ARHGAP6: variants seen among roughly 807,000 people sequenced by gnomAD.
The protein encoded by ARHGAP6 is Rho GTPase activating protein 6.
In ARHGAP6, 16 loss-of-function variants were observed where a neutral mutation model predicts 55.7. The observed-to-expected ratio is 0.29, with a 90% CI of 0.19 to 0.44. The LOEUF (loss-of-function observed/expected upper bound fraction) is 0.44. ARHGAP6 is among the 20% of genes least tolerant of loss of function. The pLI, the probability that ARHGAP6 is intolerant of heterozygous loss-of-function variation, is 1.00. For synonymous variants in ARHGAP6, 382 were observed against 360.9 expected, an observed-to-expected ratio of 1.06 and a Z score of -0.66; for missense variants, 698 against 808.9, an observed-to-expected ratio of 0.86 and a Z score of 1.66.
intron 1 of ARHGAP6, among the ~76,000 whole-genome samples, chrX:11,515,900 C>T (rs1045121925): frequency 1.3e-4 from 15 of 112,458 alleles, no homozygotes; most frequent in Non-Finnish European, 2.1e-4. Context: ...AGTCAAAAGC[C>T]CCCATGAACC....
At chrX:11,391,662 C>G (rs1012774414) in intron 1 of ARHGAP6, among the ~76,000 whole-genome samples, 4 of 112,177 alleles carry the variant, frequency 3.6e-5, no homozygotes, top group African/African-American at 1.3e-4. Flanking sequence ...TTGGAGATTA[C>G]AAGCTTTCTT....
intron 2 of ARHGAP6, among the ~76,000 whole-genome samples, chrX:11,207,172 C>T (rs1415421296): frequency 9.3e-6 from 1 of 107,550 alleles, no homozygotes; most frequent in Admixed American, 1.0e-4. Flanking sequence ...TCTCACTGTA[C>T]TCGTTGTTAT....
chrX:11,370,893 AAACAACAACAAC>A (rs751345129), intron 1 of ARHGAP6, among the ~76,000 whole-genome samples: 1 of 110,108 alleles, frequency 9.1e-6, no homozygotes, highest in Non-Finnish European at 1.9e-5. Flanking sequence ...GTATGCTTAC[AAACAACAACAAC>A]AACAACAACA....
intron 1 of ARHGAP6, among the ~76,000 whole-genome samples, chrX:11,315,722 T>G (rs1330116011): frequency 8.9e-6 from 1 of 112,132 alleles, no homozygotes; most frequent in Admixed American, 9.4e-5. Flanking sequence ...GCTTTGTGGA[T>G]GCCACACTCT....
chrX:11,346,722 A>C (rs1267979092), intron 1 of ARHGAP6, among the ~76,000 whole-genome samples: 1 of 101,713 alleles, frequency 9.8e-6, no homozygotes, highest in Non-Finnish European at 2.0e-5. Context: ...AAGAAAGAAA[A>C]GAAAGAAAGA....
At chrX:11,226,631 A>G (rs1043633738) in intron 2 of ARHGAP6, among the ~76,000 whole-genome samples, 1 of 112,138 alleles carries the variant, frequency 8.9e-6, no homozygotes, top group African/African-American at 3.2e-5. Flanking sequence ...TGAAGATTTC[A>G]TATTCAGTTT....
chrX:11,582,079 G>C (rs1297710819), intron 1 of ARHGAP6, among the ~76,000 whole-genome samples: 2 of 111,329 alleles, frequency 1.8e-5, no homozygotes, highest in African/African-American at 6.5e-5. Context: ...TCATACACAG[G>C]GGTTTTCTCT....
At chrX:11,589,203 G>A (rs779295058) in intron 1 of ARHGAP6, among the ~76,000 whole-genome samples, 10 of 107,485 alleles carry the variant, frequency 9.3e-5, no homozygotes, top group Non-Finnish European at 1.9e-4. Context: ...CACCACGCCC[G>A]GCTAATTTTT....
At chrX:11,455,671 A>C (rs2050188240) in intron 1 of ARHGAP6, among the ~76,000 whole-genome samples, 1 of 111,813 alleles carries the variant, frequency 8.9e-6, no homozygotes, top group Non-Finnish European at 1.9e-5. Flanking sequence ...TACCCCCACT[A>C]TCCGTGGCTT....
intron 1 of ARHGAP6, among the ~76,000 whole-genome samples, chrX:11,465,745 T>C (rs781301809): frequency 8.9e-6 from 1 of 112,018 alleles, no homozygotes; most frequent in South Asian, 3.7e-4. Context: ...TTCACTTCAT[T>C]GCAAATTATA....
chrX:11,569,286 T>C (rs760124159), intron 1 of ARHGAP6, among the ~76,000 whole-genome samples: 3 of 110,699 alleles, frequency 2.7e-5, no homozygotes, highest in African/African-American at 6.6e-5. Context: ...CCACAAAGAA[T>C]TGTCTGGCCC....
chrX:11,248,144 GGA>G (rs2047376702), intron 2 of ARHGAP6, among the ~76,000 whole-genome samples: 1 of 111,709 alleles, frequency 9.0e-6, no homozygotes, highest in East Asian at 2.8e-4. Flanking sequence ...ACAGGAGGGA[GGA>G]GCCACAAGAT....
chrX:11,384,164 T>C (rs2049297446), intron 1 of ARHGAP6, among the ~76,000 whole-genome samples: 1 of 112,165 alleles, frequency 8.9e-6, no homozygotes, highest in Admixed American at 9.4e-5. Context: ...CTACTATGAA[T>C]GCTCTTGTAA....
intron 1 of ARHGAP6, among the ~76,000 whole-genome samples, chrX:11,448,839 C>T (rs2050118289): frequency 1.8e-5 from 2 of 111,474 alleles, no homozygotes; most frequent in Non-Finnish European, 3.8e-5. Context: ...ACAGGCATCT[C>T]AAATTTATCA....
chrX:11,330,611 G>A (rs1340665265), intron 1 of ARHGAP6, among the ~76,000 whole-genome samples: 1 of 111,018 alleles, frequency 9.0e-6, no homozygotes, highest in Non-Finnish European at 1.9e-5. Context: ...TGAGGGCTTC[G>A]TTTGTGCCAG....
At chrX:11,371,179 A>C (rs1369503676) in intron 1 of ARHGAP6, among the ~76,000 whole-genome samples, 2 of 111,723 alleles carry the variant, frequency 1.8e-5, no homozygotes, top group Non-Finnish European at 3.8e-5. Flanking sequence ...GCAACATTAA[A>C]ATTAACATGG....
chrX:11,305,556 T>C (rs2048229597), intron 1 of ARHGAP6, among the ~76,000 whole-genome samples: 1 of 111,745 alleles, frequency 8.9e-6, no homozygotes. Context: ...AGGAGCTAAT[T>C]GTAAATCAGA....
chrX:11,433,046 T>C (rs1385116968), intron 1 of ARHGAP6, among the ~76,000 whole-genome samples: 1 of 112,375 alleles, frequency 8.9e-6, no homozygotes, highest in Non-Finnish European at 1.9e-5. Context: ...TCTCATTCCT[T>C]TTTCCAGGTA....
intron 1 of ARHGAP6, among the ~76,000 whole-genome samples, chrX:11,374,122 T>C (rs765284930): frequency 9.0e-6 from 1 of 111,697 alleles, no homozygotes; most frequent in Admixed American, 9.5e-5. Flanking sequence ...TTGAAGGGGC[T>C]CTTCCTCCTT....
Sources: gnomAD v4.1 joint callset for allele counts (sites outside exome capture counted in the v4.1 genomes callset) on GRCh38, gnomAD v4.1.1 for gene constraint, MANE v1.5 for transcripts, NCBI Gene and HGNC (gene_info 2026-07-23, HGNC 2026-07-21) for gene names.